The following CADM2 variants were observed in gnomAD, a reference collection of about 807,000 sequenced individuals.
CADM2 encodes the protein immunoglobulin superfamily member 4D.
Under a neutral mutation model 49.8 loss-of-function variants are expected in CADM2, and 12 were observed. The ratio of observed to expected loss-of-function variants is 0.24; its 90% CI spans 0.15 to 0.39. The LOEUF is 0.39. Ranked by LOEUF, CADM2 falls within the 10% of genes least tolerant of loss-of-function variation. CADM2 has a pLI of 1.00. For missense variants in CADM2, 378 were observed against 492.3 expected, an observed-to-expected ratio of 0.77 and a Z score of 2.20; for synonymous variants, 214 against 175.4, an observed-to-expected ratio of 1.22 and a Z score of -1.74.
At chr3:85,812,870 A>G (rs2072966825) in intron 3 of CADM2, among the ~76,000 whole-genome samples, 1 of 152,064 alleles carries the variant, frequency 6.6e-6, no homozygotes. Flanking sequence ...CCCTGCAAAC[A>G]ATATGAACTC....
At chr3:85,391,099 C>T (rs1423702524) in intron 1 of CADM2, among the ~76,000 whole-genome samples, 2 of 151,982 alleles carry the variant, frequency 1.3e-5, no homozygotes, top group Non-Finnish European at 2.9e-5. Flanking sequence ...TGCTGATTAC[C>T]TCCAATGAAG....
In CADM2 at chr3:84,959,058, G is replaced by A; in HGVS notation, c.-550G>A. The A allele has an allele frequency of 5.0e-6, 1 of 198,582 alleles. No individual in the cohort carries two copies. The highest frequency in any genetic ancestry group is 1.0e-5 in the Non-Finnish European group (1 of 99,108). 12.3% of individuals were successfully genotyped at this position (198,582 alleles called of 1,614,324 possible). The stretch of plus-strand genomic sequence containing the variant: ...GCTGCAGCCGGAGCATCCGGGAGCC[G>A]CCACTGCCGCCGCCGCTGCCGCTGC... On this transcript the variant is annotated 5_prime_UTR_variant, in exon 1 of 10. Transcript: ENST00000383699.
intron 1 of CADM2, among the ~76,000 whole-genome samples, chr3:85,240,479 A>C (rs77387046): frequency 0.035 from 5,382 of 151,614 alleles, 120 homozygotes; most frequent in Middle Eastern, 0.058. Flanking sequence ...CAACATATTC[A>C]ATCATAATAT....
intron 1 of CADM2, among the ~76,000 whole-genome samples, chr3:85,694,965 C>A (rs1178549698): frequency 6.6e-6 from 1 of 152,094 alleles, no homozygotes. Flanking sequence ...AAGATACATG[C>A]AATGATAACT....
intron 7 of CADM2, among the ~76,000 whole-genome samples, chr3:85,957,049 A>T (rs1334071244): frequency 2.6e-5 from 4 of 151,680 alleles, no homozygotes; most frequent in Non-Finnish European, 4.4e-5. Context: ...TATGGGTCTT[A>T]TGTGACTTTG....
chr3:85,915,388 C>T (rs1330566481), intron 6 of CADM2, among the ~76,000 whole-genome samples: 1 of 151,996 alleles, frequency 6.6e-6, no homozygotes, highest in Non-Finnish European at 1.5e-5. Flanking sequence ...ATCTAGCATA[C>T]CATCATTCAA....
At position 85,468,761 on chromosome 3, in the gene CADM2, A is replaced by G. The variant is rs1687701993; in HGVS notation, c.62-257761A>G. On this transcript the variant is annotated intron_variant, in intron 1 of 9. Coordinates refer to ENST00000383699, the MANE Select transcript of CADM2 (RefSeq NM_001167675.2). ...TATTTGGGTGGTGATACCAGAATAC[A>G]CTAGTCATAGAGTAAGGAAGTAATT... 2.6e-5 allele frequency among the ~76,000 whole-genome samples: 4 copies of G among 152,142 alleles called. No individual in the cohort carries two copies. In the South Asian group the frequency reaches 8.3e-4, roughly 32 times the overall value.
intron 1 of CADM2, among the ~76,000 whole-genome samples, chr3:85,504,857 G>C (rs1369733615): frequency 6.6e-6 from 1 of 152,174 alleles, no homozygotes; most frequent in South Asian, 2.1e-4. Flanking sequence ...GAAATAGAGC[G>C]CAGCGCCGGT....
chr3:85,759,221 GC>G lies in CADM2; in HGVS notation c.88+32674del, dbSNP rs2069260625. Among the ~76,000 whole-genome samples the G allele has an allele frequency of 2.0e-5, 3 of 152,062 alleles. No individual in the cohort carries two copies. In the South Asian group the frequency reaches 6.2e-4, roughly 32 times the overall value. On this transcript the variant is annotated intron_variant, in intron 2 of 9. Coordinates refer to ENST00000383699, the MANE Select transcript of CADM2 (RefSeq NM_001167675.2). ...TAAAAGACATTGCTTGAGATCCTCT[GC>G]TATGGTTCTTTATTCCTGCCTAGTT...
rs117333230 is a variant in CADM2 at position 85,428,091 on chromosome 3, G to A, written c.62-298431G>A. Among the ~76,000 whole-genome samples, 48 of 151,506 alleles carry A rather than the reference G, an allele frequency of 3.2e-4. 1 individual carries two copies. In the East Asian group the frequency reaches 8.9e-3, roughly 28 times the overall value. On this transcript the variant is annotated intron_variant, in intron 1 of 9. Transcript: ENST00000383699. Reference sequence around the variant, plus strand: ...TACTAAGTCATCTTGTCCAAAATGTGCCATAATTAGTGTGATGCTGGTTAT... The same window carrying A: ...TACTAAGTCATCTTGTCCAAAATGTACCATAATTAGTGTGATGCTGGTTAT...
At chr3:85,327,580 A>AC (rs2044787925) in intron 1 of CADM2, among the ~76,000 whole-genome samples, 1 of 145,572 alleles carries the variant, frequency 6.9e-6, no homozygotes. Flanking sequence ...ACACACACAC[A>AC]CACACACACC....
At chr3:85,347,608 A>T (rs892014906) in intron 1 of CADM2, among the ~76,000 whole-genome samples, 14 of 95,860 alleles carry the variant, frequency 1.5e-4, no homozygotes, top group Non-Finnish European at 2.4e-4. Context: ...CATATATATA[A>T]AAATATATAT....
At position 85,858,656 on chromosome 3, in the gene CADM2, TA is replaced by T. The variant is rs1243856790; in HGVS notation, c.239-24634del. On this transcript the variant is annotated intron_variant, in intron 3 of 9. Transcript: ENST00000383699. Reference sequence around the variant, plus strand: ...TAAACTACTCCTCTATTACCTGAAGTACGTGAGTTGAATACAATTACACTTT... The same window carrying T: ...TAAACTACTCCTCTATTACCTGAAGTCGTGAGTTGAATACAATTACACTTT... Among the ~76,000 whole-genome samples, 5 of 152,218 alleles carry T rather than the reference TA, an allele frequency of 3.3e-5. No individual in the cohort carries two copies. The East Asian group carries it at 9.6e-4, about 29-fold the overall frequency.
At chr3:85,557,044 AC>A (rs2061976837) in intron 1 of CADM2, among the ~76,000 whole-genome samples, 1 of 152,072 alleles carries the variant, frequency 6.6e-6, no homozygotes, top group Admixed American at 6.5e-5. Context: ...CATAACAAAC[AC>A]AAGAAAAGGA....
chr3:85,407,478 C>T (rs921094391), intron 1 of CADM2, among the ~76,000 whole-genome samples: 2 of 152,186 alleles, frequency 1.3e-5, no homozygotes, highest in African/African-American at 2.4e-5. Flanking sequence ...CCTAACCTCT[C>T]ACTCACCTTT....
At chr3:85,316,217 AAAATATACAACC>A (rs1477823167) in intron 1 of CADM2, among the ~76,000 whole-genome samples, 1 of 152,188 alleles carries the variant, frequency 6.6e-6, no homozygotes, top group Non-Finnish European at 1.5e-5. Context: ...CTATGCTTTA[AAAATATACAACC>A]AAATTTTCTC....
intron 1 of CADM2, among the ~76,000 whole-genome samples, chr3:85,517,474 A>G (rs946899406): frequency 3.3e-5 from 5 of 152,114 alleles, no homozygotes; most frequent in Non-Finnish European, 7.4e-5. Context: ...CTCAGCTGAA[A>G]ACATACCCTC....
chr3:85,649,071 C>A (rs2064970649), intron 1 of CADM2, among the ~76,000 whole-genome samples: 1 of 152,026 alleles, frequency 6.6e-6, no homozygotes, highest in South Asian at 2.1e-4. Context: ...ACATCCTTTT[C>A]TATGGAAATT....
At chr3:85,673,605 ACT>A (rs1156719322) in intron 1 of CADM2, among the ~76,000 whole-genome samples, 4 of 151,968 alleles carry the variant, frequency 2.6e-5, no homozygotes, top group African/African-American at 9.7e-5. Context: ...TAGTAGTGCT[ACT>A]CTCTCTGGAG....
Sources: gnomAD v4.1 joint callset for allele counts (sites outside exome capture counted in the v4.1 genomes callset) on GRCh38, gnomAD v4.1.1 for gene constraint, MANE v1.5 for transcripts, NCBI Gene and HGNC (gene_info 2026-07-23, HGNC 2026-07-21) for gene names.